Variants in RASGRF2 observed in about 807,000 individuals in gnomAD.
The protein encoded by RASGRF2 is Ras protein specific guanine nucleotide releasing factor 2, also known as ras-specific guanine nucleotide-releasing factor 2.
Under a neutral mutation model 151.0 loss-of-function variants are expected in RASGRF2, and 76 were observed. The ratio of observed to expected loss-of-function variants is 0.50; its 90% CI spans 0.42 to 0.61. The LOEUF (loss-of-function observed/expected upper bound fraction) is 0.61. RASGRF2 is among the 20% of genes least tolerant of loss of function. RASGRF2 has a pLI of 0.00. For synonymous variants in RASGRF2, 504 were observed against 566.5 expected, an observed-to-expected ratio of 0.89 and a Z score of 1.57; for missense variants, 1,148 against 1,564.6, an observed-to-expected ratio of 0.73 and a Z score of 4.49.
chr5:81,151,669 A>T (rs937200980), intron 17 of RASGRF2, among the ~76,000 whole-genome samples: 1 of 152,096 alleles, frequency 6.6e-6, no homozygotes, highest in Non-Finnish European at 1.5e-5. Context: ...CTATTTTCTT[A>T]CTTAAGAGTT....
chr5:81,056,421 C>T (rs1034120208), intron 2 of RASGRF2, among the ~76,000 whole-genome samples: 1 of 152,138 alleles, frequency 6.6e-6, no homozygotes, highest in Non-Finnish European at 1.5e-5. Context: ...GTTCAGTTTC[C>T]ATGTAGTTGA....
At chr5:81,116,265 T>G (rs1227853747) in intron 15 of RASGRF2, among the ~76,000 whole-genome samples, 3 of 151,946 alleles carry the variant, frequency 2.0e-5, no homozygotes, top group Admixed American at 2.0e-4. Flanking sequence ...GTATTTTTAG[T>G]AGAGACGGGC....
chr5:81,004,368 C>T (rs2112298334), intron 1 of RASGRF2, among the ~76,000 whole-genome samples: 1 of 152,276 alleles, frequency 6.6e-6, no homozygotes, highest in African/African-American at 2.4e-5. Flanking sequence ...TTGTTGCAGC[C>T]CTTTTTGTAT....
chr5:81,197,635 G>C (rs1685036550), intron 18 of RASGRF2, among the ~76,000 whole-genome samples: 1 of 151,978 alleles, frequency 6.6e-6, no homozygotes, highest in Admixed American at 6.6e-5. Flanking sequence ...GTAAAATCTT[G>C]CTCTTTTCTT....
intron 15 of RASGRF2, among the ~76,000 whole-genome samples, chr5:81,118,190 G>A (rs1431861696): frequency 6.6e-6 from 1 of 152,240 alleles, no homozygotes; most frequent in African/African-American, 2.4e-5. Flanking sequence ...CTCCATCCCT[G>A]CAATAGGTCT....
intron 1 of RASGRF2, among the ~76,000 whole-genome samples, chr5:81,038,467 T>G (rs1163912077): frequency 1.3e-5 from 2 of 152,112 alleles, no homozygotes; most frequent in African/African-American, 2.4e-5. Flanking sequence ...CTTTTAAAAT[T>G]TATTAATCAT....
intron 17 of RASGRF2, among the ~76,000 whole-genome samples, chr5:81,138,719 C>T (rs138351103): frequency 5.8e-4 from 88 of 152,076 alleles, no homozygotes; most frequent in African/African-American, 2.0e-3. Flanking sequence ...CCGGTTCCAG[C>T]GACTTCAGCT....
chr5:81,155,964 G>A (rs1226432539), intron 17 of RASGRF2, among the ~76,000 whole-genome samples: 1 of 152,126 alleles, frequency 6.6e-6, no homozygotes, highest in Non-Finnish European at 1.5e-5. Flanking sequence ...AATGTTCAAG[G>A]CCTAAGTGTG....
At chr5:81,103,755 T>C (rs1752767396) in intron 12 of RASGRF2, among the ~76,000 whole-genome samples, 1 of 152,124 alleles carries the variant, frequency 6.6e-6, no homozygotes, top group African/African-American at 2.4e-5. Context: ...AAAAACTTTT[T>C]CACAAGGAGA....
chr5:81,106,787 G>T (rs913596845), intron 12 of RASGRF2, among the ~76,000 whole-genome samples: 1 of 152,172 alleles, frequency 6.6e-6, no homozygotes, highest in African/African-American at 2.4e-5. Flanking sequence ...TGGACACACA[G>T]GATGCAGCAG....
intron 2 of RASGRF2, among the ~76,000 whole-genome samples, chr5:81,056,779 C>A (rs557585433): frequency 6.6e-6 from 1 of 152,124 alleles, no homozygotes. Context: ...CTTTGTAGGT[C>A]TCTAAGGAGT....
At chr5:81,006,126 A>G (rs1292396984) in intron 1 of RASGRF2, among the ~76,000 whole-genome samples, 2 of 152,244 alleles carry the variant, frequency 1.3e-5, no homozygotes, top group African/African-American at 4.8e-5. Flanking sequence ...TTTAATAAAA[A>G]TAAATCTTTA....
intron 17 of RASGRF2, among the ~76,000 whole-genome samples, chr5:81,174,395 T>C (rs1754725880): frequency 6.6e-6 from 1 of 152,128 alleles, no homozygotes; most frequent in African/African-American, 2.4e-5. Flanking sequence ...AACCACAAGA[T>C]AGGGCATGTC....
At chr5:81,163,254 T>C (rs187545340) in intron 17 of RASGRF2, among the ~76,000 whole-genome samples, 1 of 152,148 alleles carries the variant, frequency 6.6e-6, no homozygotes, top group East Asian at 1.9e-4. Flanking sequence ...GCCTTGATAC[T>C]CCATTTGCAC....
chr5:80,988,017 G>A (rs1366969314), intron 1 of RASGRF2, among the ~76,000 whole-genome samples: 24 of 127,672 alleles, frequency 1.9e-4, no homozygotes, highest in African/African-American at 9.3e-4. Context: ...GCGTGTGTGT[G>A]TGTGTGTGTG....
At chr5:81,093,074 AT>A in intron 10 of RASGRF2, 113 bp downstream of exon 10, 1 of 1,138,790 alleles carries the variant, frequency 8.8e-7, no homozygotes, top group Non-Finnish European at 1.2e-6. Context: ...GATTGTCATG[AT>A]TGCATAATGA....
chr5:81,068,900 A>G (rs1038534851), intron 3 of RASGRF2, among the ~76,000 whole-genome samples: 8 of 152,118 alleles, frequency 5.3e-5, no homozygotes, highest in African/African-American at 1.4e-4. Flanking sequence ...ATCCTTCCTC[A>G]TGGGCAGTAA....
chr5:81,008,139 CTTTTTTTTT>C (rs58105434), intron 1 of RASGRF2, among the ~76,000 whole-genome samples: 359 of 85,388 alleles, frequency 4.2e-3, no homozygotes, highest in African/African-American at 0.016. Context: ...TCTTTCTTTC[CTTTTTTTTT>C]TTTTTTTTTT....
intron 10 of RASGRF2, 93 bp downstream of exon 10, chr5:81,093,054 T>C (rs1269364507): frequency 8.4e-6 from 11 of 1,306,794 alleles, no homozygotes; most frequent in Non-Finnish European, 9.4e-6. Flanking sequence ...CTTGGTATTA[T>C]CATAAAACAG....
Sources: gnomAD v4.1 joint callset for allele counts (sites outside exome capture counted in the v4.1 genomes callset) on GRCh38, gnomAD v4.1.1 for gene constraint, MANE v1.5 for transcripts, NCBI Gene and HGNC (gene_info 2026-07-23, HGNC 2026-07-21) for gene names.